The following FER variants were observed in gnomAD, a reference collection of about 807,000 sequenced individuals.
The protein encoded by FER is tyrosine-protein kinase Fer.
FER carries 63 observed loss-of-function variants against 111.0 expected under a neutral mutation model. That is an observed-to-expected ratio of 0.57 (90% CI 0.46 to 0.70). The LOEUF (loss-of-function observed/expected upper bound fraction) is 0.70, where lower values mean the gene tolerates loss of function less well. Ranked by LOEUF, FER falls within the 30% of genes least tolerant of loss-of-function variation. FER has a pLI of 0.00. For missense variants in FER, 914 were observed against 954.0 expected (o/e 0.96, Z 0.55); for synonymous variants, 327 against 313.9 (o/e 1.04, Z -0.44).
chr5:109,120,934 A>G (rs906781247), intron 17 of FER, among the ~76,000 whole-genome samples: 1 of 152,042 alleles, frequency 6.6e-6, no homozygotes, highest in East Asian at 1.9e-4. Flanking sequence ...TAATTTGTGT[A>G]TGTTGATTTT....
intron 15 of FER, 95 bp downstream of exon 15, chr5:109,044,890 A>G: frequency 1.5e-6 from 1 of 670,428 alleles, no homozygotes; most frequent in Non-Finnish European, 2.3e-6. Flanking sequence ...ATTTACTGAA[A>G]TAGTAGGGGT....
At chr5:109,021,590 A>T (rs987116541) in intron 13 of FER, among the ~76,000 whole-genome samples, 10 of 152,112 alleles carry the variant, frequency 6.6e-5, no homozygotes, top group African/African-American at 2.4e-4. Context: ...CTTTTAGTTT[A>T]TAATGAAGGA....
rs889944492 is a variant in FER, at chr5:109,191,590, C to T, written c.*4015C>T. 3.9e-5 allele frequency: 6 copies of T among 152,010 alleles called. No homozygotes were observed. Among genetic ancestry groups the T allele is most frequent in the African/African-American group, 1.4e-4 (6 of 41,400 alleles). The allele number at this position is 152,010 out of a possible 1,614,324, so 9.4% of individuals were successfully genotyped here. On this transcript the variant is annotated 3_prime_UTR_variant, in exon 20 of 20. Transcript: ENST00000281092. ...ACATGTTTTCTTTAGGTATTAATAT[C>T]TTAATTAAATGGAATCAGATTTTGT...
At chr5:108,791,110 A>G (rs1755317328) in intron 2 of FER, among the ~76,000 whole-genome samples, 1 of 152,192 alleles carries the variant, frequency 6.6e-6, no homozygotes, top group Non-Finnish European at 1.5e-5. Context: ...TCAAACATTC[A>G]TATGCAAGTT....
At chr5:108,882,335 A>G (rs1256179701) in intron 8 of FER, among the ~76,000 whole-genome samples, 1 of 152,004 alleles carries the variant, frequency 6.6e-6, no homozygotes, top group Non-Finnish European at 1.5e-5. Context: ...AGTATTTTTC[A>G]TGCTTGTCAA....
intron 17 of FER, among the ~76,000 whole-genome samples, chr5:109,111,858 A>G (rs781315113): frequency 1.3e-5 from 2 of 152,134 alleles, no homozygotes; most frequent in Admixed American, 6.6e-5. Flanking sequence ...GAATTATGTA[A>G]TTCAACATGA....
chr5:108,909,266 C>A (rs1751218798), intron 10 of FER, among the ~76,000 whole-genome samples: 1 of 151,454 alleles, frequency 6.6e-6, no homozygotes, highest in Non-Finnish European at 1.5e-5. Flanking sequence ...ATTTTAAATC[C>A]TTTTTTTTAT....
At chr5:108,966,057 AAAGT>A (rs747599765) in intron 13 of FER, among the ~76,000 whole-genome samples, 18 of 152,216 alleles carry the variant, frequency 1.2e-4, no homozygotes, top group Non-Finnish European at 2.1e-4. Context: ...TAGTATCAAA[AAAGT>A]AATAGACTTT....
intron 16 of FER, among the ~76,000 whole-genome samples, chr5:109,076,408 T>G (rs987521102): frequency 2.0e-5 from 3 of 152,144 alleles, no homozygotes; most frequent in African/African-American, 7.2e-5. Context: ...TGTACTTTTT[T>G]ATAGCATTCT....
chr5:109,037,455 A>C lies in FER; in HGVS notation c.1690A>C (p.Ile564Leu). ...ATGGATTCTCAGTCATGAAGATGTC[A>C]TATTGGGAGAATTACTGGGCAAGGT... ...KKWILSHEDV[I>L]LGELLGKGNF... Residue 564 changes from isoleucine (I) to leucine (L), a missense_variant, in exon 14 of 20, where the codon ATA becomes CTA. Around this residue, in one of 3 missense-constraint regions of FER, gnomAD observed 774 missense variants for 782.6 expected, o/e 0.99. Coordinates refer to ENST00000281092, the MANE Select transcript of FER (RefSeq NM_005246.4). 6 of 1,612,204 alleles carry C rather than the reference A, an allele frequency of 3.7e-6. No individual in the cohort carries two copies. Among genetic ancestry groups the C allele is most frequent in the Non-Finnish European group, 5.1e-6 (6 of 1,178,640 alleles).
intron 17 of FER, among the ~76,000 whole-genome samples, chr5:109,114,100 G>C (rs1749952241): frequency 6.6e-6 from 1 of 152,090 alleles, no homozygotes; most frequent in African/African-American, 2.4e-5. Context: ...TCAGTGAACT[G>C]TATATTGGAA....
At chr5:108,803,616 A>G (rs1756901271) in intron 3 of FER, among the ~76,000 whole-genome samples, 2 of 151,762 alleles carry the variant, frequency 1.3e-5, no homozygotes, top group African/African-American at 2.4e-5. Context: ...CTTATTTTTG[A>G]TGAAAGATCA....
In FER at chr5:109,191,700, T is replaced by C. The variant is rs1309871278; in HGVS notation, c.*4125T>C. 1 of 152,228 alleles carries C rather than the reference T, an allele frequency of 6.6e-6. No homozygotes were observed. Among genetic ancestry groups the C allele is most frequent in the Non-Finnish European group, 1.5e-5 (1 of 68,030 alleles). The allele number at this position is 152,228 out of a possible 1,614,324, so 9.4% of individuals were successfully genotyped here. On this transcript the variant is annotated 3_prime_UTR_variant, in exon 20 of 20. Transcript: ENST00000281092. ...AAAATAGCGTTACTTCTTTTATGAC[T>C]AACTCTGATTTGCTTATACATATCA...
intron 16 of FER, among the ~76,000 whole-genome samples, chr5:109,055,520 C>T (rs7718638): frequency 0.14 from 20,953 of 152,026 alleles, 1,504 homozygotes; most frequent in African/African-American, 0.16. Flanking sequence ...GATGCAGTGG[C>T]TCATTCCTGT....
intron 2 of FER, among the ~76,000 whole-genome samples, chr5:108,779,850 A>G (rs1753862466): frequency 6.6e-6 from 1 of 152,146 alleles, no homozygotes; most frequent in Non-Finnish European, 1.5e-5. Context: ...TGACGGGACA[A>G]CCTTGCCTTG....
chr5:108,965,582 A>G (rs191078438), intron 13 of FER, among the ~76,000 whole-genome samples: 52 of 152,320 alleles, frequency 3.4e-4, no homozygotes, highest in Admixed American at 9.8e-4. Context: ...TTATTAGGTA[A>G]GGAAACTCAG....
At chr5:108,913,397 T>C (rs1437220501) in intron 10 of FER, among the ~76,000 whole-genome samples, 5 of 152,222 alleles carry the variant, frequency 3.3e-5, no homozygotes. Flanking sequence ...ATTAGTCTAG[T>C]ATCTGTGTGA....
chr5:109,008,505 C>T lies in FER; in HGVS notation c.1657-28917C>T, dbSNP rs1453187882. On this transcript the variant is annotated intron_variant, in intron 13 of 19. Transcript: ENST00000281092. The stretch of plus-strand genomic sequence containing the variant: ...CCTGTCCTAATTTTCTCTGTGTTAT[C>T]GCAGCTCCTCTCACCTCACCCAGGT... 2.0e-5 allele frequency among the ~76,000 whole-genome samples: 3 copies of T among 152,136 alleles called. No individual in the cohort carries two copies. In the South Asian group the frequency reaches 6.2e-4, roughly 32 times the overall value.
rs575830749 is a variant in FER at position 109,051,557 on chromosome 5, C to T, written c.1924+4359C>T. 309 of 1,610,482 alleles carry T rather than the reference C, an allele frequency of 1.9e-4. No homozygotes were observed. The African/African-American group carries it at 3.3e-3, about 17-fold the overall frequency. ...CAGTTTTGCTCACTTGCTTGCTTGT[C>T]GTAATTGCGGCAAGAAGAATTGTTT... On this transcript the variant is annotated intron_variant, in intron 16 of 19. Transcript: ENST00000281092.
Sources: allele counts gnomAD v4.1 joint callset (sites outside exome capture counted in the v4.1 genomes callset), GRCh38; gene constraint gnomAD v4.1.1; regional missense constraint gnomAD v4.1.1; transcripts MANE v1.5; gene names NCBI Gene and HGNC (gene_info 2026-07-23, HGNC 2026-07-21).